RIBC1: variants seen among roughly 807,000 people sequenced by gnomAD.
The protein encoded by RIBC1 is RIB43A domain with coiled-coils 1, also known as RIB43A-like with coiled-coils protein 1.
Under a neutral mutation model 33.7 loss-of-function variants are expected in RIBC1, and 12 were observed. The observed-to-expected ratio is 0.36, with a 90% CI of 0.23 to 0.58. RIBC1 has a LOEUF of 0.58. Among genes scored for constraint, RIBC1 ranks in the 20% least tolerant of loss-of-function variants. RIBC1 has a pLI of 0.81. For missense variants in RIBC1, 242 were observed against 311.6 expected (o/e 0.78, Z 1.68); for synonymous variants, 89 against 109.0 (o/e 0.82, Z 1.14).
chrX:53,428,691 G>A (rs781898130), intron 5 of RIBC1, 64 bp downstream of exon 5: 7 of 1,184,371 alleles, frequency 5.9e-6, no homozygotes, highest in Non-Finnish European at 6.8e-6. Context: ...CCTAAGCTGA[G>A]TACAGCAGCC....
intron 1 of RIBC1, 101 bp from the exon 2 acceptor site, chrX:53,423,213 G>A (rs1192623805): frequency 1.5e-5 from 2 of 134,465 alleles, no homozygotes; most frequent in Non-Finnish European, 3.0e-5. Context: ...GGTTGTGAAT[G>A]GGACTGGGGC....
chrX:53,428,681 C>T (rs782289948), intron 5 of RIBC1, 54 bp downstream of exon 5: 28 of 1,191,962 alleles, frequency 2.3e-5, no homozygotes, highest in Admixed American at 4.5e-5. Context: ...GGGGATCTGT[C>T]CTAAGCTGAG....
Position 53,428,843 on chromosome X carries a change from C to T in RIBC1, c.544+216C>T. 4 of 1,065,172 alleles carry T rather than the reference C, an allele frequency of 3.8e-6. No individual in the cohort carries two copies. The South Asian group carries it at 8.3e-5, about 22-fold the overall frequency. 87.8% of individuals were successfully genotyped at this position (1,065,172 alleles called of 1,213,427 possible). A position where few individuals can be genotyped will look rare whatever the true frequency, so the allele number is the denominator to read the frequency against. On this transcript the variant is annotated intron_variant, in intron 5 of 7. Transcript: ENST00000375327. The stretch of plus-strand genomic sequence containing the variant: ...TCTTGATTAGTTTGGCACTCCATTA[C>T]GTGGAGGCAGCACAGTGCAGACAGA...
intron 4 of RIBC1, 61 bp from the exon 5 acceptor site, chrX:53,428,222 T>A: frequency 8.3e-7 from 1 of 1,199,941 alleles, no homozygotes; most frequent in Admixed American, 2.2e-5. Context: ...GTAGAGGACA[T>A]GCTAAGTGGA....
Position 53,430,405 on chromosome X carries a change from C to G in RIBC1, c.673C>G (p.Gln225Glu). The change falls in exon 7 of 8, where the codon CAG becomes GAG. Residue 225 changes from glutamine (Q) to glutamate (E), a missense_variant. Gln to Glu is a conservative substitution (Grantham distance 29). Transcript: ENST00000375327. ...TTGGGGGCTCCACCAGGCAGCTGTG[C>G]AGGCTGGGCGTCAGCGCTGTGAGCG... The part of the protein sequence containing the change: ...ANANKAQAAV[Q>E]AGRQRCERQR... The G allele has an allele frequency of 8.3e-7, 1 of 1,207,831 alleles. No individual in the cohort carries two copies. The highest frequency in any genetic ancestry group is 3.0e-5 in the East Asian group (1 of 33,792).
intron 5 of RIBC1, 100 bp from the exon 6 acceptor site, chrX:53,429,754 G>T (rs1369520806): frequency 1.8e-6 from 2 of 1,125,281 alleles, no homozygotes; most frequent in East Asian, 3.1e-5. Flanking sequence ...CTAAACATTC[G>T]TACACACACA....
At chrX:53,429,724 A>G in intron 5 of RIBC1, 130 bp from the exon 6 acceptor site, 1 of 1,076,288 alleles carries the variant, frequency 9.3e-7, no homozygotes, top group African/African-American at 1.8e-5. Context: ...CATCCCTACA[A>G]CTCGGACACT....
Position 53,431,034 on chromosome X carries a change from C to T in RIBC1, c.*46C>T. The T allele has an allele frequency of 8.3e-7, 1 of 1,210,695 alleles. No individual in the cohort carries two copies. Among genetic ancestry groups the T allele is most frequent in the Non-Finnish European group, 1.1e-6 (1 of 894,830 alleles). On this transcript the variant is annotated 3_prime_UTR_variant, in exon 8 of 8. Transcript: ENST00000375327. Reference sequence around the variant, plus strand: ...TCTCCCTTCTCCTCCATCAAGCTCACAGGTGGTTAGGAGTCAAAGAGAAAA... The same window carrying T: ...TCTCCCTTCTCCTCCATCAAGCTCATAGGTGGTTAGGAGTCAAAGAGAAAA...
chrX:53,424,674 A>G (rs1018643046), intron 2 of RIBC1, among the ~76,000 whole-genome samples: 4 of 109,608 alleles, frequency 3.6e-5, no homozygotes, highest in Non-Finnish European at 7.6e-5. Context: ...AATAAAATAA[A>G]ATTTTAAATT....
intron 4 of RIBC1, 46 bp downstream of exon 4, chrX:53,428,130 C>A: frequency 8.4e-7 from 1 of 1,194,548 alleles, no homozygotes; most frequent in South Asian, 1.8e-5. Flanking sequence ...AAAGAAAGAG[C>A]TCGAGTGGGC....
intron 5 of RIBC1, 62 bp from the exon 6 acceptor site, chrX:53,429,792 G>A: frequency 2.6e-6 from 3 of 1,162,782 alleles, no homozygotes; most frequent in Non-Finnish European, 3.5e-6. Context: ...ACAAATGGCT[G>A]GATGAGTGAA....
At chrX:53,424,654 C>G in intron 2 of RIBC1, among the ~76,000 whole-genome samples, 1 of 107,563 alleles carries the variant, frequency 9.3e-6, no homozygotes, top group South Asian at 4.3e-4. Flanking sequence ...AGCCACCGCG[C>G]CCGGCCAAAA....
intron 6 of RIBC1, 49 bp from the exon 7 acceptor site, chrX:53,430,347 G>A: frequency 9.3e-7 from 1 of 1,073,193 alleles, no homozygotes; most frequent in Non-Finnish European, 1.3e-6. Flanking sequence ...CTGTGACAGA[G>A]TTCCCTGAGG....
intron 3 of RIBC1, 125 bp downstream of exon 3, chrX:53,426,518 A>G: frequency 2.0e-6 from 1 of 507,442 alleles, no homozygotes; most frequent in Non-Finnish European, 3.3e-6. Flanking sequence ...AGGGCAGGAA[A>G]GGAAAGAGAG....
chrX:53,430,230 A>G (rs1157347510), intron 6 of RIBC1, among the ~76,000 whole-genome samples, 166 bp from the exon 7 acceptor site: 1 of 112,114 alleles, frequency 8.9e-6, no homozygotes, highest in East Asian at 2.8e-4. Context: ...GAAGGCAGAG[A>G]AGTTCCCTGC....
rs782220401 is a variant in RIBC1, at chrX:53,428,132, C to T, written c.199+48C>T. On this transcript the variant is annotated intron_variant, in intron 4 of 7. Transcript: ENST00000375327. ...CAGACAAGGGTGTAAAGAAAGAGCT[C>T]GAGTGGGCTGAGGTAGGGCAGTTCT... 13 of 1,195,627 alleles carry T rather than the reference C, an allele frequency of 1.1e-5. No individual in the cohort carries two copies. The South Asian group carries it at 2.1e-4, about 20-fold the overall frequency.
chrX:53,427,351 G>A (rs1224504393), intron 3 of RIBC1, among the ~76,000 whole-genome samples: 1 of 112,220 alleles, frequency 8.9e-6, no homozygotes, highest in East Asian at 2.8e-4. Context: ...TGTTAACACA[G>A]AGTGGCAGCT....
chrX:53,426,213 G>A, intron 2 of RIBC1, 64 bp from the exon 3 acceptor site: 1 of 666,342 alleles, frequency 1.5e-6, no homozygotes. Context: ...AAGGAATGGG[G>A]GTGGCGTGTA....
At chrX:53,423,585 G>T (rs1255611786) in intron 2 of RIBC1, among the ~76,000 whole-genome samples, 183 bp downstream of exon 2, 4 of 111,765 alleles carry the variant, frequency 3.6e-5, no homozygotes, top group Admixed American at 2.8e-4. Flanking sequence ...AATCCAAGAA[G>T]CTTAAAATGT....
Sources: gnomAD v4.1 joint callset for allele counts (sites outside exome capture counted in the v4.1 genomes callset) on GRCh38, gnomAD v4.1.1 for gene constraint, MANE v1.5 for transcripts, NCBI Gene and HGNC (gene_info 2026-07-23, HGNC 2026-07-21) for gene names.